Variants in MED25 observed in about 807,000 individuals in gnomAD.
MED25 encodes the protein mediator of RNA polymerase II transcription subunit 25.
A neutral mutation model predicts 89.4 loss-of-function variants in MED25; 62 were observed. The observed-to-expected ratio is 0.69, with a 90% CI of 0.57 to 0.86. The LOEUF (loss-of-function observed/expected upper bound fraction) is 0.86, where lower values mean the gene tolerates loss of function less well. Ranked by LOEUF, MED25 falls within the 40% of genes least tolerant of loss-of-function variation. MED25 has a pLI of 0.00. For missense variants in MED25, 905 were observed against 1,005.2 expected, an observed-to-expected ratio of 0.90 and a Z score of 1.35; for synonymous variants, 449 against 427.9, an observed-to-expected ratio of 1.05 and a Z score of -0.61.
chr19:49,828,691 G>C, intron 4 of MED25, 144 bp downstream of exon 4: 1 of 920,420 alleles, frequency 1.1e-6, no homozygotes, highest in Non-Finnish European at 1.7e-6. Flanking sequence ...GGAGGCTGCA[G>C]GTGTGTCCTT....
chr19:49,828,661 T>G (rs184015836), intron 4 of MED25, 114 bp downstream of exon 4: 1 of 997,560 alleles, frequency 1.0e-6, no homozygotes, highest in East Asian at 2.5e-5. Flanking sequence ...GGGCTCTGTG[T>G]CCCCAAGCAC....
In MED25 at chr19:49,831,224, G is replaced by A. The variant is rs2074054330; in HGVS notation, c.1102-109G>A. 4.9e-6 allele frequency: 6 copies of A among 1,227,024 alleles called. No individual in the cohort carries two copies. The highest frequency in any genetic ancestry group is 2.2e-5 in the Admixed American group (1 of 46,500). The allele number at this position is 1,227,024 out of a possible 1,614,324, so 76.0% of individuals were successfully genotyped here. ...GGCCAAGTGCTGTTCTGGGGATGGA[G>A]GGGCAGAAGAAGGGATCTTTCCTCC... On this transcript the variant is annotated intron_variant, in intron 9 of 17. Coordinates refer to ENST00000312865, the MANE Select transcript of MED25 (RefSeq NM_030973.4). This position sits in a 1 kb window ranked among gnomAD's most constrained non-coding sequence, Gnocchi z 5.0.
At chr19:49,823,192 G>C (rs950499281) in intron 3 of MED25, among the ~76,000 whole-genome samples, 2 of 152,124 alleles carry the variant, frequency 1.3e-5, no homozygotes, top group African/African-American at 2.4e-5. Flanking sequence ...GGCCTCAAGC[G>C]ATCCTCCTGC....
At chr19:49,819,992 AT>A (rs34513218) in intron 3 of MED25, 86,206 of 140,086 alleles carry the variant, frequency 0.62, 26,209 homozygotes, top group East Asian at 0.77. Flanking sequence ...TGCCCAGCTA[AT>A]TTTTTTTTTT....
chr19:49,832,695 G>T (rs576928784), intron 13 of MED25, among the ~76,000 whole-genome samples: 1 of 152,184 alleles, frequency 6.6e-6, no homozygotes, highest in East Asian at 1.9e-4. Context: ...TTTATGGGAT[G>T]TGTTCATTTC....
At chr19:49,838,266 G>A (rs912055500), downstream of MED25, among the ~76,000 whole-genome samples, 4 of 152,072 alleles carry the variant, frequency 2.6e-5, no homozygotes, top group African/African-American at 9.7e-5. Context: ...TTTTTCTTAC[G>A]AGTTAGTTGT....
Position 49,830,986 on chromosome 19 carries a change from T to G in MED25, c.1101+99T>G. The stretch of plus-strand genomic sequence containing the variant: ...CATTTGCCTTCCAGGGGGATGTGGC[T>G]CTCGTGGTTCTGGGGCTTTGGGGGC... On this transcript the variant is annotated intron_variant, in intron 9 of 17. Coordinates refer to ENST00000312865, the MANE Select transcript of MED25 (RefSeq NM_030973.4). The surrounding 1 kb of genome is among the most constrained non-coding windows in gnomAD (Gnocchi z 4.6). The G allele has an allele frequency of 7.5e-7, 1 of 1,342,016 alleles. No homozygotes were observed. The highest frequency in any genetic ancestry group is 1.1e-6 in the Non-Finnish European group (1 of 947,886). The allele number at this position is 1,342,016 out of a possible 1,614,324, so 83.1% of individuals were successfully genotyped here. A position where few individuals can be genotyped will look rare whatever the true frequency, so the allele number is the denominator to read the frequency against.
chr19:49,839,080 AT>A (rs2074118098), downstream of MED25: 1 of 292,500 alleles, frequency 3.4e-6, no homozygotes, highest in African/African-American at 2.2e-5. Context: ...AGTCAAATTG[AT>A]TGTGGCCTTT....
At chr19:49,826,577 T>G (rs2074017264) in intron 3 of MED25, among the ~76,000 whole-genome samples, 1 of 152,192 alleles carries the variant, frequency 6.6e-6, no homozygotes, top group African/African-American at 2.4e-5. Flanking sequence ...AGATGGTTCC[T>G]AGGCCTTGTG....
At chr19:49,824,477 C>T (rs1252108689) in intron 3 of MED25, among the ~76,000 whole-genome samples, 3 of 151,546 alleles carry the variant, frequency 2.0e-5, no homozygotes, top group Admixed American at 6.6e-5. Context: ...CCCAGCTACT[C>T]AGGAGGCTGA....
At position 49,818,335 on chromosome 19, in the gene MED25, A is replaced by AC; in HGVS notation, c.-6dup. On this transcript the variant is annotated 5_prime_UTR_variant, in exon 1 of 18. Transcript: ENST00000312865. ...CTGCAGTGGTGGTGGCGGGTACCGC[A>AC]CGGGGTATGGTCCCCGGGTCCGAGG... The AC allele has an allele frequency of 1.3e-6, 2 of 1,575,422 alleles. No homozygotes were observed. Among genetic ancestry groups the AC allele is most frequent in the Non-Finnish European group, 1.7e-6 (2 of 1,159,780 alleles).
rs2074026396 is a variant in MED25, at chr19:49,828,000, C to T, written c.306-449C>T. ...ATCCCAGCACTTTGGGAGGCTGAGG[C>T]AAGTGGATCATGAGGTCAGGAGATG... On this transcript the variant is annotated intron_variant, in intron 3 of 17. Coordinates refer to ENST00000312865, the MANE Select transcript of MED25 (RefSeq NM_030973.4). 2.0e-5 allele frequency among the ~76,000 whole-genome samples: 3 copies of T among 152,234 alleles called. No homozygotes were observed. The South Asian group carries it at 6.2e-4, about 32-fold the overall frequency.
rs1282958352 is a variant in MED25 at position 49,835,813 on chromosome 19, C to T, written c.1833C>T (p.Ala611=). The change falls in exon 16 of 18, where the codon GCC becomes GCT. Residue 611 remains alanine, a synonymous_variant. Coordinates refer to ENST00000312865, the MANE Select transcript of MED25 (RefSeq NM_030973.4). The surrounding 1 kb of genome is among the most constrained non-coding windows in gnomAD (Gnocchi z 6.2). ...ATGQPQPQGT[A]QPPPGAPQGP... is the part of the protein sequence containing the mutation. ...GGCAGCCCCAGCCCCAAGGTACTGC[C>T]CAGCCCCCGCCAGGTGCCCCTCAAG... is the stretch of plus-strand genomic sequence containing the variant. The T allele has an allele frequency of 3.7e-6, 6 of 1,608,356 alleles. No homozygotes were observed. Among genetic ancestry groups the T allele is most frequent in the Non-Finnish European group, 5.1e-6 (6 of 1,176,574 alleles).
chr19:49,832,016 G>A lies in MED25; in HGVS notation c.1311G>A (p.Glu437=), dbSNP rs779825460. 1.2e-6 allele frequency: 2 copies of A among 1,611,332 alleles called. No individual in the cohort carries two copies. Among genetic ancestry groups the A allele is most frequent in the South Asian group, 2.2e-5 (2 of 91,030 alleles). Residue 437 remains glutamate (E), a synonymous_variant, in exon 11 of 18, where the codon GAG becomes GAA. Transcript: ENST00000312865. The part of the protein sequence containing the change: ...LPCQVYVNHG[E]NLKTEQWPQK... ...GCCAGGTCTACGTGAATCATGGCGA[G>A]AACCTGTAGGTGACAGTCAGGGGCG...
chr19:49,824,317 G>A (rs2074001348), intron 3 of MED25, among the ~76,000 whole-genome samples: 1 of 152,174 alleles, frequency 6.6e-6, no homozygotes, highest in East Asian at 1.9e-4. Context: ...GAATGTCCAG[G>A]TCCCTGGGTG....
At chr19:49,828,849 AGG>A (rs1435230017) in intron 4 of MED25, 119 bp from the exon 5 acceptor site, 3 of 1,533,758 alleles carry the variant, frequency 2.0e-6, no homozygotes, top group Non-Finnish European at 2.6e-6. Context: ...GCTGTAAAGT[AGG>A]GGCGTTGCTT....
rs1467409123 is a variant in MED25 at position 49,836,796 on chromosome 19, T to G, written c.2147-51T>G. On this transcript the variant is annotated intron_variant, in intron 17 of 17. Transcript: ENST00000312865. This position sits in a 1 kb window ranked among gnomAD's most constrained non-coding sequence, Gnocchi z 5.1. Reference sequence around the variant, plus strand: ...AAAACTTAGTGCCTCTGGGCCCTCCTGGGCCCAAGGGCCTACTGGGAGATG... The same window carrying G: ...AAAACTTAGTGCCTCTGGGCCCTCCGGGGCCCAAGGGCCTACTGGGAGATG... The G allele has an allele frequency of 5.5e-6, 8 of 1,442,196 alleles. No homozygotes were observed. The highest frequency in any genetic ancestry group is 7.8e-6 in the Non-Finnish European group (8 of 1,031,824). 89.3% of individuals were successfully genotyped at this position (1,442,196 alleles called of 1,614,324 possible).
In MED25 at chr19:49,818,333, G is replaced by T. The variant is rs753493326; in HGVS notation, c.-9G>T. Reference sequence around the variant, plus strand: ...GGCTGCAGTGGTGGTGGCGGGTACCGCACGGGGTATGGTCCCCGGGTCCGA... The same window carrying T: ...GGCTGCAGTGGTGGTGGCGGGTACCTCACGGGGTATGGTCCCCGGGTCCGA... On this transcript the variant is annotated 5_prime_UTR_variant, in exon 1 of 18. Transcript: ENST00000312865. 6.4e-7 allele frequency: 1 copy of T among 1,572,038 alleles called. No individual in the cohort carries two copies.
chr19:49,819,307 C>T lies in MED25; in HGVS notation c.305+11C>T. On this transcript the variant is annotated intron_variant, in intron 3 of 17. Transcript: ENST00000312865. ...GCTCGATGGCATTAAGTGAGCTTTC[C>T]CCCACTTGGGGTGGGTTGCTGGTCC... 6.9e-7 allele frequency: 1 copy of T among 1,439,118 alleles called. No individual in the cohort carries two copies. The highest frequency in any genetic ancestry group is 1.1e-5 in the South Asian group (1 of 86,962). The allele number at this position is 1,439,118 out of a possible 1,614,324, so 89.1% of individuals were successfully genotyped here.
Sources: gnomAD v4.1 joint callset for allele counts (sites outside exome capture counted in the v4.1 genomes callset) on GRCh38, gnomAD v4.1.1 for gene constraint, Gnocchi (gnomAD v3.1) non-coding constraint, MANE v1.5 for transcripts, NCBI Gene and HGNC (gene_info 2026-07-23, HGNC 2026-07-21) for gene names.